IGF1: variants seen among roughly 807,000 people sequenced by gnomAD.
IGF1 encodes the protein insulin-like growth factor 1.
Under a neutral mutation model 13.8 loss-of-function variants are expected in IGF1, and 4 were observed. The observed-to-expected ratio is 0.29, with a 90% CI of 0.14 to 0.66. The LOEUF (loss-of-function observed/expected upper bound fraction) is 0.66, where lower values mean the gene tolerates loss of function less well. Ranked by LOEUF, IGF1 falls within the 30% of genes least tolerant of loss-of-function variation. The pLI is 0.78. For synonymous variants in IGF1, 76 were observed against 72.6 expected, an observed-to-expected ratio of 1.05 and a Z score of -0.23; for missense variants, 124 against 188.5, an observed-to-expected ratio of 0.66 and a Z score of 2.00.
intron 2 of IGF1, among the ~76,000 whole-genome samples, chr12:102,452,902 G>A (rs1296789147): frequency 6.6e-6 from 1 of 152,152 alleles, no homozygotes; most frequent in South Asian, 2.1e-4. Context: ...TTGCTGAGCA[G>A]CCTTGTCTGG....
intron 2 of IGF1, among the ~76,000 whole-genome samples, chr12:102,442,164 G>C (rs1877922925): frequency 6.6e-6 from 1 of 150,672 alleles, no homozygotes; most frequent in African/African-American, 2.4e-5. Context: ...GCTCAGGCTG[G>C]TCTCGAACTC....
intron 2 of IGF1, among the ~76,000 whole-genome samples, chr12:102,473,692 A>G (rs550180417): frequency 6.6e-6 from 1 of 152,224 alleles, no homozygotes; most frequent in Non-Finnish European, 1.5e-5. Context: ...TTTTCAAGTT[A>G]TTGAGATACA....
intron 3 of IGF1, chr12:102,415,713 G>A (rs1226889111): frequency 1.3e-5 from 2 of 151,810 alleles, no homozygotes; most frequent in Non-Finnish European, 2.9e-5. Context: ...CCTTTCCACA[G>A]GACATGAATT....
upstream of IGF1, among the ~76,000 whole-genome samples, chr12:102,481,376 TG>T (rs1284748835): frequency 6.6e-6 from 1 of 151,416 alleles, no homozygotes; most frequent in East Asian, 1.9e-4. Flanking sequence ...TGTGTGTGTG[TG>T]TGTGTGTGTG....
At chr12:102,468,760 A>AT (rs1181391096) in intron 2 of IGF1, among the ~76,000 whole-genome samples, 1 of 152,182 alleles carries the variant, frequency 6.6e-6, no homozygotes, top group Admixed American at 6.5e-5. Context: ...TGCGAAAACG[A>AT]TTTTTTGCCA....
chr12:102,425,375 C>T (rs772881324), intron 2 of IGF1, among the ~76,000 whole-genome samples: 1 of 152,186 alleles, frequency 6.6e-6, no homozygotes, highest in Non-Finnish European at 1.5e-5. Flanking sequence ...TTGCTGGTCT[C>T]ACTACCTCTC....
chr12:102,450,305 A>G (rs1284844698), intron 2 of IGF1, among the ~76,000 whole-genome samples: 2 of 152,240 alleles, frequency 1.3e-5, no homozygotes, highest in Admixed American at 6.5e-5. Flanking sequence ...ACAAAGAGTA[A>G]GAGAGTAGCA....
At chr12:102,431,035 T>C (rs1360603677) in intron 2 of IGF1, among the ~76,000 whole-genome samples, 1 of 152,212 alleles carries the variant, frequency 6.6e-6, no homozygotes, top group African/African-American at 2.4e-5. Context: ...TGGCTGTGGC[T>C]CTTAGCTCCC....
At chr12:102,407,139 A>C (rs11111264) in intron 3 of IGF1, among the ~76,000 whole-genome samples, 1 of 140,062 alleles carries the variant, frequency 7.1e-6, no homozygotes, top group Non-Finnish European at 1.5e-5. Context: ...AAAAAAGATC[A>C]CTGAGGACTA....
intron 2 of IGF1, among the ~76,000 whole-genome samples, chr12:102,437,994 C>G (rs955749033): frequency 4.6e-5 from 7 of 152,180 alleles, no homozygotes; most frequent in African/African-American, 1.7e-4. Context: ...ACTGGACAGA[C>G]AGATCCTTAG....
chr12:102,449,201 T>C (rs1288214099), intron 2 of IGF1, among the ~76,000 whole-genome samples: 1 of 152,080 alleles, frequency 6.6e-6, no homozygotes, highest in Non-Finnish European at 1.5e-5. Flanking sequence ...ATATACACCA[T>C]AGAATACTAT....
intron 3 of IGF1, among the ~76,000 whole-genome samples, chr12:102,412,592 A>G (rs538841100): frequency 9.8e-5 from 15 of 152,296 alleles, no homozygotes; most frequent in Non-Finnish European, 1.5e-5. Context: ...TTCTTGACCA[A>G]TGGTTCTTAA....
chr12:102,427,643 C>T (rs1225082748), intron 2 of IGF1, among the ~76,000 whole-genome samples: 1 of 152,058 alleles, frequency 6.6e-6, no homozygotes, highest in East Asian at 1.9e-4. Flanking sequence ...GTGGCGGCTG[C>T]CAGGGCAGTC....
At chr12:102,407,094 C>CAAAAAAAAAAAAAAAAAAAA (rs57468885) in intron 3 of IGF1, among the ~76,000 whole-genome samples, 3 of 100,980 alleles carry the variant, frequency 3.0e-5, no homozygotes, top group Non-Finnish European at 5.7e-5. Flanking sequence ...ACTCTGTCTC[C>CAAAAAAAAAAAAAAAAAAAA]AAAAAAAAAA....
chr12:102,475,886 G>A (rs530987976), intron 1 of IGF1, 87 bp from the exon 2 acceptor site: 8 of 1,328,966 alleles, frequency 6.0e-6, no homozygotes, highest in African/African-American at 4.4e-5. Context: ...TGACTCCCAC[G>A]ATTCCACGAC....
At chr12:102,447,666 C>G (rs1341102441) in intron 2 of IGF1, among the ~76,000 whole-genome samples, 7 of 152,156 alleles carry the variant, frequency 4.6e-5, no homozygotes, top group African/African-American at 1.7e-4. Context: ...GGTCTTGACT[C>G]TATCCTATTT....
intron 2 of IGF1, among the ~76,000 whole-genome samples, chr12:102,454,029 A>G (rs576532691): frequency 6.6e-6 from 1 of 152,354 alleles, no homozygotes; most frequent in South Asian, 2.1e-4. Flanking sequence ...TAGATGTGCC[A>G]ACCTATCTTT....
At chr12:102,408,362 G>A (rs1406699958) in intron 3 of IGF1, among the ~76,000 whole-genome samples, 1 of 152,146 alleles carries the variant, frequency 6.6e-6, no homozygotes, top group East Asian at 1.9e-4. Flanking sequence ...CAGGAGAGTT[G>A]GATCAGCCTT....
intron 2 of IGF1, among the ~76,000 whole-genome samples, chr12:102,450,628 C>A (rs934021887): frequency 2.0e-5 from 3 of 152,218 alleles, no homozygotes; most frequent in Non-Finnish European, 4.4e-5. Context: ...TTGGCAAATA[C>A]AGATACAGGG....
Sources: allele counts gnomAD v4.1 joint callset (sites outside exome capture counted in the v4.1 genomes callset), GRCh38; gene constraint gnomAD v4.1.1; transcripts MANE v1.5; gene names NCBI Gene and HGNC (gene_info 2026-07-23, HGNC 2026-07-21).